DLG2: variants seen among roughly 807,000 people sequenced by gnomAD.
The protein encoded by DLG2 is disks large homolog 2.
A neutral mutation model predicts 132.5 loss-of-function variants in DLG2; 45 were observed. The observed-to-expected ratio is 0.34, with a 90% CI of 0.27 to 0.44. The LOEUF (loss-of-function observed/expected upper bound fraction) is 0.44. Among genes scored for constraint, DLG2 ranks in the 20% least tolerant of loss-of-function variants. The probability of loss-of-function intolerance (pLI) is 1.00; values close to 1 mark genes in which losing one functional copy is unlikely to be tolerated. For synonymous variants in DLG2, 424 were observed against 419.6 expected, an observed-to-expected ratio of 1.01 and a Z score of -0.13; for missense variants, 1,045 against 1,196.9, an observed-to-expected ratio of 0.87 and a Z score of 1.87.
intron 15 of DLG2, among the ~76,000 whole-genome samples, chr11:83,895,350 G>T (rs2071335173): frequency 6.6e-6 from 1 of 151,876 alleles, no homozygotes; most frequent in Admixed American, 6.6e-5. Context: ...AGTAGAGAGT[G>T]GGTTTCTCCA....
intron 15 of DLG2, among the ~76,000 whole-genome samples, chr11:83,893,541 G>T (rs1331880101): frequency 6.6e-6 from 1 of 152,176 alleles, no homozygotes; most frequent in Non-Finnish European, 1.5e-5. Context: ...AGATCCCTGA[G>T]ATGCCTTCCC....
At chr11:85,004,529 T>G (rs1222230742) in intron 6 of DLG2, among the ~76,000 whole-genome samples, 1 of 152,204 alleles carries the variant, frequency 6.6e-6, no homozygotes, top group Non-Finnish European at 1.5e-5. Context: ...TTCTGAGAAG[T>G]GTCTGTTCAT....
intron 9 of DLG2, among the ~76,000 whole-genome samples, chr11:84,126,661 C>T (rs1486948488): frequency 6.6e-6 from 1 of 151,930 alleles, no homozygotes; most frequent in East Asian, 1.9e-4. Flanking sequence ...TATATTCAAC[C>T]TCATTAGTAA....
intron 4 of DLG2, among the ~76,000 whole-genome samples, chr11:85,253,825 G>A (rs1317686042): frequency 6.6e-6 from 1 of 152,096 alleles, no homozygotes; most frequent in Non-Finnish European, 1.5e-5. Flanking sequence ...TGCCAAAGGG[G>A]AGCTGAAAAG....
chr11:85,425,642 GA>G (rs1386604255), intron 3 of DLG2, among the ~76,000 whole-genome samples: 1 of 151,906 alleles, frequency 6.6e-6, no homozygotes, highest in Non-Finnish European at 1.5e-5. Flanking sequence ...TTCTAAACAA[GA>G]AAAAAATCGG....
chr11:84,642,266 C>G (rs1040287361), intron 6 of DLG2, among the ~76,000 whole-genome samples: 1 of 151,600 alleles, frequency 6.6e-6, no homozygotes, highest in Non-Finnish European at 1.5e-5. Context: ...ACCAATTCAT[C>G]CAAGTAACAC....
intron 18 of DLG2, among the ~76,000 whole-genome samples, chr11:83,675,923 A>C (rs931986716): frequency 6.6e-6 from 1 of 152,102 alleles, no homozygotes; most frequent in East Asian, 1.9e-4. Flanking sequence ...CCTTCATTCC[A>C]TTATGTTATG....
intron 8 of DLG2, chr11:84,166,730 A>C (rs982670557): frequency 6.0e-6 from 2 of 335,244 alleles, no homozygotes; most frequent in Non-Finnish European, 1.2e-5. Context: ...CCTAACCATA[A>C]TCTTGTGTAT....
chr11:83,507,758 TTATATATATATATATATATATATATATA>T (rs59086507), intron 21 of DLG2, among the ~76,000 whole-genome samples: 3 of 99,882 alleles, frequency 3.0e-5, no homozygotes, highest in South Asian at 3.5e-4. Flanking sequence ...TATATTTTTA[TTATATATATATATATATATATATATATA>T]TATATATATA....
intron 21 of DLG2, among the ~76,000 whole-genome samples, chr11:83,511,320 T>C (rs1565558222): frequency 2.0e-5 from 3 of 152,300 alleles, no homozygotes; most frequent in East Asian, 1.9e-4. Context: ...CACATAACAA[T>C]TGCATTCCAC....
chr11:84,349,085 T>C (rs1205291121), intron 7 of DLG2, among the ~76,000 whole-genome samples: 2 of 152,118 alleles, frequency 1.3e-5, no homozygotes, highest in African/African-American at 2.4e-5. Context: ...TTTGGAAAAG[T>C]TTTTCAATTA....
At chr11:85,003,942 C>T (rs536241044) in intron 6 of DLG2, among the ~76,000 whole-genome samples, 3 of 152,272 alleles carry the variant, frequency 2.0e-5, no homozygotes, top group East Asian at 3.9e-4. Flanking sequence ...CATTGTTCAA[C>T]TCCCACTTAT....
intron 18 of DLG2, among the ~76,000 whole-genome samples, chr11:83,708,135 T>A (rs918743019): frequency 6.6e-6 from 1 of 152,206 alleles, no homozygotes; most frequent in Non-Finnish European, 1.5e-5. Flanking sequence ...TATTAGATAT[T>A]ATGATAATTG....
chr11:85,271,508 T>C (rs2077527417), intron 4 of DLG2, among the ~76,000 whole-genome samples: 1 of 152,092 alleles, frequency 6.6e-6, no homozygotes, highest in African/African-American at 2.4e-5. Context: ...GAATGGTAGA[T>C]CCACCCACAG....
chr11:85,312,080 C>T lies in DLG2; in HGVS notation c.41-26715G>A, dbSNP rs534197627. Among the ~76,000 whole-genome samples the T allele has an allele frequency of 4.3e-4, 65 of 151,946 alleles. 1 individual carries two copies. The highest frequency in any genetic ancestry group is 2.0e-3 in the Admixed American group (31 of 15,208). The stretch of plus-strand genomic sequence containing the variant: ...AAACTTCTAATAATTTTTCAAAAGT[C>T]AATTATCTCTGTGTTTTAACCATAC... On this transcript the variant is annotated intron_variant, in intron 3 of 27. Coordinates refer to ENST00000376104, the MANE Select transcript of DLG2 (RefSeq NM_001142699.3).
chr11:84,674,866 C>A (rs536199571), intron 6 of DLG2, among the ~76,000 whole-genome samples: 6 of 152,262 alleles, frequency 3.9e-5, no homozygotes, highest in Non-Finnish European at 8.8e-5. Context: ...TCTCTAAAAT[C>A]TATTACTTCA....
At chr11:83,495,486 T>TTGAG (rs750106692) in intron 21 of DLG2, among the ~76,000 whole-genome samples, 1 of 152,180 alleles carries the variant, frequency 6.6e-6, no homozygotes, top group Non-Finnish European at 1.5e-5. Context: ...CAACTTGAAG[T>TTGAG]TGAGTTAGTA....
chr11:83,472,807 G>A, intron 22 of DLG2, 30 bp from the exon 23 acceptor site: 44 of 1,588,032 alleles, frequency 2.8e-5, no homozygotes, highest in Non-Finnish European at 3.5e-5. Context: ...AAACCACAGT[G>A]AACTAACAGT....
chr11:83,724,587 C>CA (rs2089606422), intron 18 of DLG2, among the ~76,000 whole-genome samples: 1 of 151,252 alleles, frequency 6.6e-6, no homozygotes, highest in Non-Finnish European at 1.5e-5. Flanking sequence ...AAATCAAACT[C>CA]AGAGTGTGAT....
Sources: gnomAD v4.1 joint callset for allele counts (sites outside exome capture counted in the v4.1 genomes callset) on GRCh38, gnomAD v4.1.1 for gene constraint, MANE v1.5 for transcripts, NCBI Gene and HGNC (gene_info 2026-07-23, HGNC 2026-07-21) for gene names.